Variants in CSMD1 observed in about 807,000 individuals in gnomAD.
CSMD1 encodes the protein CUB and Sushi multiple domains 1, also known as CUB and sushi domain-containing protein 1.
CSMD1 carries 213 observed loss-of-function variants against 417.5 expected under a neutral mutation model. The observed-to-expected ratio is 0.51, with a 90% CI of 0.46 to 0.57. The LOEUF is 0.57. Ranked by LOEUF, CSMD1 falls within the 20% of genes least tolerant of loss-of-function variation. The pLI, the probability that CSMD1 is intolerant of heterozygous loss-of-function variation, is 0.00. For synonymous variants in CSMD1, 2,862 were observed against 1,736.8 expected, an observed-to-expected ratio of 1.65 and a Z score of -16.11; for missense variants, 6,923 against 4,529.7, an observed-to-expected ratio of 1.53 and a Z score of -15.17.
rs118162297 is a variant in CSMD1, at chr8:3,765,493, C to A, written c.819-11451G>T. Reference sequence around the variant, plus strand: ...TCTACCTCACCTCTGCACTCTGAGCCCACTGAGGGCATTGGTGCTAACTCA... The same window carrying A: ...TCTACCTCACCTCTGCACTCTGAGCACACTGAGGGCATTGGTGCTAACTCA... On this transcript the variant is annotated intron_variant, in intron 5 of 69. Transcript: ENST00000635120. 1.2e-3 allele frequency among the ~76,000 whole-genome samples: 185 copies of A among 152,272 alleles called. 3 individuals carry two copies. In the East Asian group the frequency reaches 0.032, roughly 26 times the overall value.
At chr8:3,473,475 G>T (rs774085478) in intron 11 of CSMD1, among the ~76,000 whole-genome samples, 9 of 151,980 alleles carry the variant, frequency 5.9e-5, no homozygotes, top group Non-Finnish European at 1.2e-4. Context: ...TAAAACAAAA[G>T]AACTTTTGTT....
intron 21 of CSMD1, among the ~76,000 whole-genome samples, chr8:3,351,298 G>C (rs1463660236): frequency 6.6e-6 from 1 of 151,724 alleles, no homozygotes; most frequent in South Asian, 2.1e-4. Flanking sequence ...TTCCCCAAAA[G>C]TATTAAATTG....
chr8:3,565,985 A>G (rs914215795), intron 10 of CSMD1, among the ~76,000 whole-genome samples: 3 of 152,166 alleles, frequency 2.0e-5, no homozygotes, highest in South Asian at 2.1e-4. Flanking sequence ...CCTTTCATCA[A>G]TATAATACAT....
At chr8:3,334,558 T>G (rs1266839115) in intron 23 of CSMD1, among the ~76,000 whole-genome samples, 2 of 152,250 alleles carry the variant, frequency 1.3e-5, no homozygotes, top group African/African-American at 2.4e-5. Context: ...GACAGCTACA[T>G]AAACCCACAG....
At chr8:3,303,031 C>T (rs756250628) in intron 25 of CSMD1, among the ~76,000 whole-genome samples, 1 of 152,186 alleles carries the variant, frequency 6.6e-6, no homozygotes, top group Non-Finnish European at 1.5e-5. Flanking sequence ...AAACTGTAGA[C>T]TTCTATAACT....
At chr8:4,524,126 A>C (rs1462428482) in intron 2 of CSMD1, among the ~76,000 whole-genome samples, 1 of 152,166 alleles carries the variant, frequency 6.6e-6, no homozygotes, top group South Asian at 2.1e-4. Context: ...GCATTGAATT[A>C]AAAAGGAAAT....
intron 3 of CSMD1, among the ~76,000 whole-genome samples, chr8:4,121,522 C>G (rs1158650005): frequency 6.6e-6 from 1 of 151,418 alleles, no homozygotes; most frequent in African/African-American, 2.4e-5. Flanking sequence ...GTAACCCTGA[C>G]AGATTTGTTA....
At chr8:4,689,417 A>G (rs1476202295) in intron 1 of CSMD1, among the ~76,000 whole-genome samples, 1 of 152,246 alleles carries the variant, frequency 6.6e-6, no homozygotes, top group Non-Finnish European at 1.5e-5. Flanking sequence ...TTTCATAAGA[A>G]ATAAGAAAAC....
At chr8:3,522,496 T>A (rs974003605) in intron 10 of CSMD1, among the ~76,000 whole-genome samples, 1 of 152,196 alleles carries the variant, frequency 6.6e-6, no homozygotes, top group South Asian at 2.1e-4. Context: ...TTACAAAATA[T>A]TTTGTGAGTT....
chr8:4,773,447 T>C (rs1338278031), intron 1 of CSMD1, among the ~76,000 whole-genome samples: 1 of 152,172 alleles, frequency 6.6e-6, no homozygotes, highest in Non-Finnish European at 1.5e-5. Context: ...GGGGGAGGCC[T>C]GTGCACCCCA....
In CSMD1 at chr8:3,619,873, G is replaced by A. The variant is rs368891868; in HGVS notation, c.1010-3076C>T. 2.8e-4 allele frequency among the ~76,000 whole-genome samples: 43 copies of A among 152,250 alleles called. 1 individual carries two copies. The highest frequency in any genetic ancestry group is 9.1e-4 in the African/African-American group (38 of 41,542). ...TTCCAACACTTTGGGAGGCTGAGGTGGGTGGATCACTTGACGTCAGGAATT... is the reference window on the plus strand; with the variant it reads ...TTCCAACACTTTGGGAGGCTGAGGTAGGTGGATCACTTGACGTCAGGAATT... On this transcript the variant is annotated intron_variant, in intron 7 of 69. Coordinates refer to ENST00000635120, the MANE Select transcript of CSMD1 (RefSeq NM_033225.6).
At chr8:2,959,944 G>A (rs1228409328) in intron 62 of CSMD1, among the ~76,000 whole-genome samples, 2 of 152,144 alleles carry the variant, frequency 1.3e-5, no homozygotes, top group African/African-American at 2.4e-5. Context: ...TCGTGTTAGT[G>A]TAACTAATTT....
At chr8:4,980,787 C>G (rs748921307) in intron 1 of CSMD1, among the ~76,000 whole-genome samples, 2 of 151,976 alleles carry the variant, frequency 1.3e-5, no homozygotes, top group Non-Finnish European at 2.9e-5. Flanking sequence ...GGTCTGTAGT[C>G]CCAGCTACTT....
At chr8:3,677,389 C>T (rs908872416) in intron 7 of CSMD1, among the ~76,000 whole-genome samples, 5 of 152,226 alleles carry the variant, frequency 3.3e-5, no homozygotes, top group South Asian at 2.1e-4. Context: ...CACAAGAAAA[C>T]ATACCCAGTT....
chr8:3,637,140 C>A (rs954766528), intron 7 of CSMD1, among the ~76,000 whole-genome samples: 1 of 152,148 alleles, frequency 6.6e-6, no homozygotes, highest in African/African-American at 2.4e-5. Context: ...CCCGTTTGTG[C>A]TATTCTGTTA....
At chr8:3,801,950 G>C (rs1326308536) in intron 5 of CSMD1, among the ~76,000 whole-genome samples, 2 of 152,058 alleles carry the variant, frequency 1.3e-5, no homozygotes, top group Admixed American at 6.6e-5. Context: ...AACAGAAAAT[G>C]ACTGATAATA....
At chr8:4,666,839 A>G (rs918941454) in intron 1 of CSMD1, among the ~76,000 whole-genome samples, 3 of 152,108 alleles carry the variant, frequency 2.0e-5, no homozygotes, top group Non-Finnish European at 1.5e-5. Context: ...GAAGAGCAGA[A>G]CTTTATAATT....
At position 3,717,905 on chromosome 8, in the gene CSMD1, G is replaced by T. The variant is rs191393828; in HGVS notation, c.932-9414C>A. ...TCTGCTCAGTTTCCAAGAATAATTT[G>T]CTAGAACTAGAATTCTTTAGTCAAG... is the stretch of plus-strand genomic sequence containing the variant. On this transcript the variant is annotated intron_variant, in intron 6 of 69. Coordinates refer to ENST00000635120, the MANE Select transcript of CSMD1 (RefSeq NM_033225.6). 1.2e-4 allele frequency among the ~76,000 whole-genome samples: 18 copies of T among 152,150 alleles called. No individual in the cohort carries two copies. In the East Asian group the frequency reaches 2.3e-3, roughly 20 times the overall value.
chr8:3,875,750 G>T (rs1805772454), intron 5 of CSMD1, among the ~76,000 whole-genome samples: 1 of 152,178 alleles, frequency 6.6e-6, no homozygotes, highest in Non-Finnish European at 1.5e-5. Context: ...TCAAAGAAAT[G>T]GAGACAGCCA....
Sources: allele counts gnomAD v4.1 joint callset (sites outside exome capture counted in the v4.1 genomes callset), GRCh38; gene constraint gnomAD v4.1.1; transcripts MANE v1.5; gene names NCBI Gene and HGNC (gene_info 2026-07-23, HGNC 2026-07-21).